Variants in OPCML observed in about 807,000 individuals in gnomAD.
The protein encoded by OPCML is opioid binding protein/cell adhesion molecule like.
A neutral mutation model predicts 37.8 loss-of-function variants in OPCML; 13 were observed. The ratio of observed to expected loss-of-function variants is 0.34; its 90% confidence interval spans 0.22 to 0.55. The LOEUF (loss-of-function observed/expected upper bound fraction) is 0.55, where lower values mean the gene tolerates loss of function less well. Among genes scored for constraint, OPCML ranks in the 20% least tolerant of loss-of-function variants. The probability of loss-of-function intolerance (pLI) is 0.91; values close to 1 mark genes in which losing one functional copy is unlikely to be tolerated. For missense variants in OPCML, 341 were observed against 435.6 expected (o/e 0.78, Z 1.93); for synonymous variants, 176 against 168.8 (o/e 1.04, Z -0.33).
intron 2 of OPCML, among the ~76,000 whole-genome samples, chr11:132,857,598 C>T (rs1942108020): frequency 2.0e-5 from 3 of 152,108 alleles, no homozygotes; most frequent in African/African-American, 7.2e-5. Flanking sequence ...TATATATATA[C>T]TGTAACTGAT....
Position 132,993,341 on chromosome 11 carries a change from G to A in OPCML, c.62-50331C>T, listed in dbSNP as rs558507714. On this transcript the variant is annotated intron_variant, in intron 1 of 7. Coordinates refer to ENST00000524381, the MANE Select transcript of OPCML (RefSeq NM_001012393.5). The stretch of plus-strand genomic sequence containing the variant: ...TCCCAGGGCGCCCTTTCTGTCCTCG[G>A]GAGCATATTAATAGGAACACAGAAG... Among the ~76,000 whole-genome samples the A allele has an allele frequency of 4.6e-5, 7 of 152,174 alleles. No homozygotes were observed. The South Asian group carries it at 1.5e-3, about 32-fold the overall frequency.
intron 2 of OPCML, among the ~76,000 whole-genome samples, chr11:132,844,084 T>G (rs987330091): frequency 1.3e-5 from 2 of 152,166 alleles, no homozygotes; most frequent in Non-Finnish European, 2.9e-5. Flanking sequence ...CTGCACAAGC[T>G]CTCTTTTTGC....
chr11:132,705,138 C>T (rs1416135564), intron 2 of OPCML, among the ~76,000 whole-genome samples: 1 of 152,150 alleles, frequency 6.6e-6, no homozygotes, highest in African/African-American at 2.4e-5. Context: ...TGTGTCCCCA[C>T]CCAAATATCT....
At chr11:132,655,311 C>T (rs896354513) in intron 3 of OPCML, among the ~76,000 whole-genome samples, 3 of 152,312 alleles carry the variant, frequency 2.0e-5, no homozygotes, top group Non-Finnish European at 2.9e-5. Flanking sequence ...CCTCTGGAAC[C>T]AAGCCCAGGT....
rs2096307268 is a variant in OPCML, at chr11:132,525,939, T to A, written c.505+3122A>T. 1.3e-5 allele frequency: 2 copies of A among 152,008 alleles called. 1 individual carries two copies. The highest frequency in any genetic ancestry group is 4.1e-4 in the South Asian group (2 of 4,824). 9.4% of individuals were successfully genotyped at this position (152,008 alleles called of 1,614,324 possible). A position where few individuals can be genotyped will look rare whatever the true frequency, so the allele number is the denominator to read the frequency against. On this transcript the variant is annotated intron_variant, in intron 4 of 7. Coordinates refer to ENST00000524381, the MANE Select transcript of OPCML (RefSeq NM_001012393.5). ...AGAGAGGGAAGGGGGAAGACAATAGTGAAAATTAAGGATAACAAAGTTAAG... is the reference window on the plus strand; with the variant it reads ...AGAGAGGGAAGGGGGAAGACAATAGAGAAAATTAAGGATAACAAAGTTAAG...
intron 3 of OPCML, among the ~76,000 whole-genome samples, chr11:132,656,696 C>T (rs1941724216): frequency 6.6e-6 from 1 of 152,222 alleles, no homozygotes; most frequent in Non-Finnish European, 1.5e-5. Flanking sequence ...CGTAGTTTCT[C>T]ATTGGCATTA....
chr11:132,691,258 T>C lies in OPCML; in HGVS notation c.147-33939A>G, dbSNP rs574519168. Among the ~76,000 whole-genome samples, 27 of 152,346 alleles carry C rather than the reference T, an allele frequency of 1.8e-4. No homozygotes were observed. The South Asian group carries it at 5.4e-3, about 30-fold the overall frequency. On this transcript the variant is annotated intron_variant, in intron 2 of 7. Transcript: ENST00000524381. ...ATGGATGCATTCAATGGCAAGAAGA[T>C]ATTTTTGCTCACTGTTGATACCTCC...
intron 2 of OPCML, among the ~76,000 whole-genome samples, chr11:132,898,168 A>G (rs926565891): frequency 6.6e-6 from 1 of 152,214 alleles, no homozygotes; most frequent in East Asian, 1.9e-4. Context: ...GCAGAGACCA[A>G]CGCTGAAACC....
rs1276952954 is a variant in OPCML, at chr11:132,751,478, CTT to C, written c.147-94161_147-94160del. 2.0e-5 allele frequency among the ~76,000 whole-genome samples: 3 copies of C among 152,318 alleles called. No homozygotes were observed. The South Asian group carries it at 6.2e-4, about 32-fold the overall frequency. On this transcript the variant is annotated intron_variant, in intron 2 of 7. Transcript: ENST00000524381. ...TTCAGTCAAATACTAAATTCATTGT[CTT>C]TGTACTGGTGGACCAGAGGCAGAGG...
intron 1 of OPCML, among the ~76,000 whole-genome samples, chr11:133,223,830 T>C (rs1454146336): frequency 6.6e-6 from 1 of 152,234 alleles, no homozygotes; most frequent in Non-Finnish European, 1.5e-5. Context: ...CATTTTATTT[T>C]TGAAGGCTGT....
intron 1 of OPCML, chr11:133,009,197 A>G: frequency 1.0e-6 from 1 of 985,388 alleles, no homozygotes; most frequent in Non-Finnish European, 1.2e-6. Flanking sequence ...TCTCTAACAT[A>G]TGTAGATATA....
intron 1 of OPCML, among the ~76,000 whole-genome samples, chr11:132,967,100 G>A (rs760603915): frequency 1.6e-4 from 24 of 151,608 alleles, no homozygotes; most frequent in African/African-American, 5.1e-4. Flanking sequence ...TCTGTTTGTC[G>A]TTTGCTGCTT....
chr11:132,514,883 T>C (rs1320523703), intron 4 of OPCML, among the ~76,000 whole-genome samples: 1 of 152,084 alleles, frequency 6.6e-6, no homozygotes, highest in African/African-American at 2.4e-5. Flanking sequence ...GCTCAGATCT[T>C]CACCAGCAGC....
chr11:132,837,338 A>G (rs1037872967), intron 2 of OPCML, among the ~76,000 whole-genome samples: 3 of 152,030 alleles, frequency 2.0e-5, no homozygotes, highest in Non-Finnish European at 4.4e-5. Flanking sequence ...AAACAAACAA[A>G]CAAACAAACA....
In OPCML at chr11:133,083,130, CCACGCACACA is replaced by C. The variant is rs879311216; in HGVS notation, c.62-140130_62-140121del. 9.6e-3 allele frequency among the ~76,000 whole-genome samples: 1,465 copies of C among 152,070 alleles called. 8 individuals are homozygous for C. The highest frequency in any genetic ancestry group is 0.015 in the Non-Finnish European group (1,042 of 67,938). On this transcript the variant is annotated intron_variant, in intron 1 of 7. Transcript: ENST00000524381. ...GCGCACCACACTCACATCACACACA[CCACGCACACA>C]CACGCACACACACACACGCACACAC...
chr11:132,698,047 C>T (rs1022226461), intron 2 of OPCML, among the ~76,000 whole-genome samples: 25 of 147,280 alleles, frequency 1.7e-4, no homozygotes, highest in African/African-American at 6.0e-4. Flanking sequence ...GGGATCTCTT[C>T]TTGTTGCCCT....
chr11:132,766,295 A>G (rs74315707), intron 2 of OPCML, among the ~76,000 whole-genome samples: 2,333 of 152,318 alleles, frequency 0.015, 22 homozygotes, highest in Middle Eastern at 0.031. Context: ...AGTTATTTAC[A>G]TAGTCTCAAA....
intron 1 of OPCML, among the ~76,000 whole-genome samples, chr11:133,294,998 A>G (rs1309849107): frequency 6.6e-6 from 1 of 151,240 alleles, no homozygotes; most frequent in Non-Finnish European, 1.5e-5. Flanking sequence ...TAATTATTGT[A>G]TTTTTAGTAG....
At chr11:133,529,033 C>T (rs1948547830) in intron 1 of OPCML, among the ~76,000 whole-genome samples, 1 of 152,202 alleles carries the variant, frequency 6.6e-6, no homozygotes, top group Non-Finnish European at 1.5e-5. Context: ...TCTTCTTGCC[C>T]TTACTCCACC....
Sources: allele counts gnomAD v4.1 joint callset (sites outside exome capture counted in the v4.1 genomes callset), GRCh38; gene constraint gnomAD v4.1.1; transcripts MANE v1.5; gene names NCBI Gene and HGNC (gene_info 2026-07-23, HGNC 2026-07-21).